Variants in KCNJ15 observed in about 807,000 individuals in gnomAD.
KCNJ15 encodes potassium inwardly rectifying channel subfamily J member 15, also known as ATP-sensitive inward rectifier potassium channel 15.
A neutral mutation model predicts 23.0 loss-of-function variants in KCNJ15; 14 were observed. The ratio of observed to expected loss-of-function variants is 0.61; its 90% confidence interval spans 0.40 to 0.95. The LOEUF (loss-of-function observed/expected upper bound fraction) is 0.95, where lower values mean the gene tolerates loss of function less well. KCNJ15 is among the 40% of genes least tolerant of loss of function. The probability of loss-of-function intolerance (pLI) is 0.00; values close to 1 mark genes in which losing one functional copy is unlikely to be tolerated. For synonymous variants in KCNJ15, 185 were observed against 183.2 expected, an observed-to-expected ratio of 1.01 and a Z score of -0.08; for missense variants, 388 against 461.8, an observed-to-expected ratio of 0.84 and a Z score of 1.46.
chr21:38,244,457 A>G (rs1022180541), intron 1 of KCNJ15, among the ~76,000 whole-genome samples: 3 of 152,160 alleles, frequency 2.0e-5, no homozygotes, highest in African/African-American at 7.2e-5. Flanking sequence ...ATATAGATCT[A>G]TTGTCTTTCC....
chr21:38,262,607 T>G (rs1439684833), intron 1 of KCNJ15, among the ~76,000 whole-genome samples: 1 of 152,192 alleles, frequency 6.6e-6, no homozygotes, highest in Non-Finnish European at 1.5e-5. Flanking sequence ...AATTAAACAT[T>G]AAGTGCACAC....
At chr21:38,242,402 G>A (rs1380348979) in intron 1 of KCNJ15, among the ~76,000 whole-genome samples, 1 of 152,088 alleles carries the variant, frequency 6.6e-6, no homozygotes. Context: ...GGGGCTATAT[G>A]TGGAAACTCC....
intron 1 of KCNJ15, among the ~76,000 whole-genome samples, chr21:38,286,480 G>A (rs899170846): frequency 4.6e-5 from 7 of 152,168 alleles, no homozygotes; most frequent in African/African-American, 1.7e-4. Flanking sequence ...CCAATGTAAT[G>A]TTCATTACTA....
chr21:38,287,462 C>T (rs1984035005), intron 1 of KCNJ15, among the ~76,000 whole-genome samples: 1 of 152,206 alleles, frequency 6.6e-6, no homozygotes, highest in African/African-American at 2.4e-5. Flanking sequence ...TGTAAGGCCA[C>T]TCTGTACTAT....
At chr21:38,250,777 A>G (rs1214720144) in intron 1 of KCNJ15, among the ~76,000 whole-genome samples, 1 of 152,268 alleles carries the variant, frequency 6.6e-6, no homozygotes, top group Non-Finnish European at 1.5e-5. Flanking sequence ...TGAAAATGGA[A>G]GGAAATGTAG....
At chr21:38,258,262 A>G (rs953998986) in intron 1 of KCNJ15, among the ~76,000 whole-genome samples, 3 of 152,234 alleles carry the variant, frequency 2.0e-5, no homozygotes, top group East Asian at 1.9e-4. Context: ...ATTCTCTCCT[A>G]TTTAAAATTG....
chr21:38,249,771 G>A (rs751934759), intron 1 of KCNJ15, among the ~76,000 whole-genome samples: 5 of 152,116 alleles, frequency 3.3e-5, no homozygotes, highest in East Asian at 3.9e-4. Context: ...CCTATTATTA[G>A]GCATTCTTTA....
intron 1 of KCNJ15, among the ~76,000 whole-genome samples, chr21:38,284,463 G>C (rs1205124397): frequency 6.6e-6 from 1 of 152,104 alleles, no homozygotes; most frequent in Non-Finnish European, 1.5e-5. Flanking sequence ...AGAGCTCCTG[G>C]CTAGTAGCTC....
intron 1 of KCNJ15, among the ~76,000 whole-genome samples, chr21:38,247,137 G>C (rs1475841450): frequency 8.7e-6 from 1 of 115,064 alleles, no homozygotes; most frequent in Non-Finnish European, 1.7e-5. Context: ...TGCATGGATG[G>C]ATGGATGGAT....
chr21:38,284,389 G>A (rs781479136), intron 1 of KCNJ15, among the ~76,000 whole-genome samples: 5 of 152,074 alleles, frequency 3.3e-5, no homozygotes, highest in African/African-American at 4.8e-5. Context: ...TCTTCTCTCT[G>A]CCTTGTCTTC....
chr21:38,270,528 C>G (rs1981962670), intron 1 of KCNJ15, among the ~76,000 whole-genome samples: 1 of 152,102 alleles, frequency 6.6e-6, no homozygotes, highest in South Asian at 2.1e-4. Flanking sequence ...TCAGGATGAC[C>G]CCAGGGGCTA....
At chr21:38,236,143 G>A (rs1430239690) in intron 1 of KCNJ15, among the ~76,000 whole-genome samples, 2 of 152,142 alleles carry the variant, frequency 1.3e-5, no homozygotes, top group Non-Finnish European at 2.9e-5. Flanking sequence ...TCTGTTTTCT[G>A]TCTTACCTGC....
At chr21:38,266,060 A>C (rs2123626614) in intron 1 of KCNJ15, among the ~76,000 whole-genome samples, 1 of 152,300 alleles carries the variant, frequency 6.6e-6, no homozygotes, top group Admixed American at 6.5e-5. Flanking sequence ...TGAGGGCCAC[A>C]GTCAGGACAA....
intron 1 of KCNJ15, among the ~76,000 whole-genome samples, chr21:38,279,378 G>A (rs1983088789): frequency 6.6e-6 from 1 of 152,134 alleles, no homozygotes; most frequent in Non-Finnish European, 1.5e-5. Context: ...ATGCAGGAGT[G>A]TGTCTTTAGT....
intron 1 of KCNJ15, among the ~76,000 whole-genome samples, chr21:38,249,381 A>AAG (rs1389167108): frequency 1.4e-4 from 21 of 152,182 alleles, no homozygotes; most frequent in African/African-American, 3.6e-4. Flanking sequence ...CCTACTAAGT[A>AAG]CACACAGATT....
chr21:38,255,895 CA>C (rs1476269831), upstream of KCNJ15, among the ~76,000 whole-genome samples: 1 of 152,202 alleles, frequency 6.6e-6, no homozygotes, highest in African/African-American at 2.4e-5. Context: ...GGTCTGGCCC[CA>C]CCGACATGCC....
At chr21:38,252,516 T>C (rs553450203), upstream of KCNJ15, among the ~76,000 whole-genome samples, 1 of 152,198 alleles carries the variant, frequency 6.6e-6, no homozygotes, top group African/African-American at 2.4e-5. Flanking sequence ...TCAAACTAAA[T>C]TGACATGATA....
At chr21:38,289,306 G>C (rs892031205) in intron 1 of KCNJ15, among the ~76,000 whole-genome samples, 6 of 151,316 alleles carry the variant, frequency 4.0e-5, no homozygotes, top group Admixed American at 2.0e-4. Context: ...AAACCCAAAC[G>C]CTGTGGATTT....
At chr21:38,241,721 C>A (rs1601126642) in intron 1 of KCNJ15, among the ~76,000 whole-genome samples, 2 of 152,268 alleles carry the variant, frequency 1.3e-5, no homozygotes, top group Middle Eastern at 6.8e-3. Context: ...AATCATAGCA[C>A]TTTGGGAGGC....
Sources: gnomAD v4.1 joint callset for allele counts (sites outside exome capture counted in the v4.1 genomes callset) on GRCh38, gnomAD v4.1.1 for gene constraint, MANE v1.5 for transcripts, NCBI Gene and HGNC (gene_info 2026-07-23, HGNC 2026-07-21) for gene names.